PCM1: variants seen among roughly 807,000 people sequenced by gnomAD.
PCM1 encodes the protein pericentriolar material 1 protein.
PCM1 carries 157 observed loss-of-function variants against 241.9 expected under a neutral mutation model. That is an observed-to-expected ratio of 0.65 (90% confidence interval 0.57 to 0.74). The LOEUF is 0.74. Ranked by LOEUF, PCM1 falls within the 30% of genes least tolerant of loss-of-function variation. The probability of loss-of-function intolerance (pLI) is 0.00; values close to 1 mark genes in which losing one functional copy is unlikely to be tolerated. For missense variants in PCM1, 3,478 were observed against 2,360.1 expected (o/e 1.47, Z -9.81); for synonymous variants, 1,085 against 784.9 (o/e 1.38, Z -6.39).
At chr8:17,952,618 G>A (rs926065027) in intron 8 of PCM1, among the ~76,000 whole-genome samples, 1 of 152,114 alleles carries the variant, frequency 6.6e-6, no homozygotes, top group African/African-American at 2.4e-5. Flanking sequence ...TATTGTATTA[G>A]GTATTATAAG....
At position 17,980,738 on chromosome 8, in the gene PCM1, C is replaced by G. The variant is rs774435092; in HGVS notation, c.4091C>G (p.Ser1364Cys). ...QLEKIIKCNR[S>C]TEISSETGSD... is the part of the protein sequence containing the mutation. ...GAAAAAATAATAAAATGTAATAGGT[C>G]TACAGAAATATCTTCAGGTATGTTC... The change falls in exon 24 of 39, where the codon TCT becomes TGT. Residue 1364 changes from serine to cysteine, a missense_variant. By Grantham distance (112) the Ser-to-Cys change is moderately radical (BLOSUM62 -1). Transcript: ENST00000325083. 1 of 1,608,394 alleles carries G rather than the reference C, an allele frequency of 6.2e-7. No homozygotes were observed. Among genetic ancestry groups the G allele is most frequent in the African/African-American group, 1.3e-5 (1 of 74,932 alleles).
chr8:18,011,712 G>C lies in PCM1; in HGVS notation c.5396G>C (p.Gly1799Ala). 1 of 1,612,978 alleles carries C rather than the reference G, an allele frequency of 6.2e-7. No homozygotes were observed. The highest frequency in any genetic ancestry group is 8.5e-7 in the Non-Finnish European group (1 of 1,179,332). ...ETQALTNYGS[G>A]EDENEDEEME... is the part of the protein sequence containing the mutation. Reference sequence around the variant, plus strand: ...CAGGCTTTAACTAATTATGGAAGTGGAGAAGATGAAAATGAGGATGAAGAA... The same window carrying C: ...CAGGCTTTAACTAATTATGGAAGTGCAGAAGATGAAAATGAGGATGAAGAA... Residue 1799 changes from glycine (G) to alanine (A), a missense_variant, in exon 34 of 39, where the codon GGA (glycine) becomes GCA (alanine). Gly to Ala is a moderately conservative substitution (Grantham distance 60). Transcript: ENST00000325083.
In PCM1 at chr8:17,955,577, C is replaced by A. The variant is rs2067935540; in HGVS notation, c.1396C>A (p.Pro466Thr). The A allele has an allele frequency of 6.2e-7, 1 of 1,613,542 alleles. No homozygotes were observed. The highest frequency in any genetic ancestry group is 1.3e-5 in the African/African-American group (1 of 74,920). ...ATCCAATAGCCTCACATCATCTGTT[C>A]CTTATCCTACTGCTTCTCTAGTATC... ...GESNSLTSSV[P>T]YPTASLVSQN... is the part of the protein sequence containing the mutation. Residue 466 changes from proline (P) to threonine (T), a missense_variant, in exon 10 of 39, where the codon CCT becomes ACT. Physicochemically the swap from Pro to Thr is conservative, Grantham distance 38 (BLOSUM62 -1). Coordinates refer to ENST00000325083, the MANE Select transcript of PCM1 (RefSeq NM_006197.4).
chr8:18,005,783 G>A (rs1332325094), intron 29 of PCM1, among the ~76,000 whole-genome samples: 2 of 151,928 alleles, frequency 1.3e-5, no homozygotes, highest in Non-Finnish European at 2.9e-5. Flanking sequence ...GCATCTAGTG[G>A]GTAGAGGCCA....
chr8:17,959,746 C>T (rs1358586882), intron 13 of PCM1, among the ~76,000 whole-genome samples: 1 of 151,658 alleles, frequency 6.6e-6, no homozygotes, highest in Admixed American at 6.6e-5. Context: ...ATTGATATAC[C>T]GTAGCTTGTT....
chr8:17,946,290 A>C (rs1046653748), intron 6 of PCM1, among the ~76,000 whole-genome samples: 10 of 152,190 alleles, frequency 6.6e-5, no homozygotes, highest in Admixed American at 5.9e-4. Flanking sequence ...AGAGGAAAAT[A>C]ATGATGCCTT....
chr8:18,014,108 AAAACACACACAG>A, intron 35 of PCM1, 72 bp downstream of exon 35: 1 of 834,658 alleles, frequency 1.2e-6, no homozygotes. Context: ...AAAAAAAAAA[AAAACACACACAG>A]AAAACACTAA....
At chr8:17,980,318 A>G (rs980577517) in intron 23 of PCM1, 6 of 253,476 alleles carry the variant, frequency 2.4e-5, no homozygotes, top group Non-Finnish European at 4.5e-5. Flanking sequence ...ATTTGGGGTC[A>G]TGTAAGGTCT....
Position 17,952,970 on chromosome 8 carries a change from C to G in PCM1, c.1072C>G (p.Pro358Ala). 6.5e-7 allele frequency: 1 copy of G among 1,545,526 alleles called. No homozygotes were observed. Among genetic ancestry groups the G allele is most frequent in the Non-Finnish European group, 8.7e-7 (1 of 1,144,592 alleles). ...RFHNQLRDSQ[P>A]PAVPDNRRQA... Reference sequence around the variant, plus strand: ...TTTTTTGTTGTTTTTTTTTAATAAGCCTCCAGCTGTTCCAGACAATAGAAG... The same window carrying G: ...TTTTTTGTTGTTTTTTTTTAATAAGGCTCCAGCTGTTCCAGACAATAGAAG... The change falls in exon 9 of 39, where the codon CCT becomes GCT. Residue 358 changes from proline to alanine, a missense_variant and splice_region_variant. Transcript: ENST00000325083.
intron 29 of PCM1, among the ~76,000 whole-genome samples, chr8:17,997,645 T>A (rs992070925): frequency 6.6e-6 from 1 of 152,156 alleles, no homozygotes; most frequent in African/African-American, 2.4e-5. Flanking sequence ...CTTTAGTATG[T>A]CAGTTGCGTT....
intron 15 of PCM1, among the ~76,000 whole-genome samples, chr8:17,961,220 C>A (rs1320446278): frequency 1.4e-5 from 2 of 146,950 alleles, no homozygotes; most frequent in African/African-American, 2.5e-5. Context: ...AATAAGATAT[C>A]TTTGGTGATA....
chr8:18,014,694 C>A lies in PCM1; in HGVS notation c.5695C>A (p.Gln1899Lys), dbSNP rs768242652. 1.2e-6 allele frequency: 2 copies of A among 1,613,630 alleles called. No individual in the cohort carries two copies. The highest frequency in any genetic ancestry group is 1.1e-5 in the South Asian group (1 of 91,058). ...GTCACCTCCTACTGTTGATTCAACT[C>A]AACAGCCTAACCCTTTGCCGTTACG... The part of the protein sequence containing the change: ...KESPPTVDST[Q>K]QPNPLPLRLP... Residue 1899 changes from glutamine (Q) to lysine (K), a missense_variant, in exon 36 of 39, where the codon CAA (glutamine) becomes AAA (lysine). Gln to Lys is a moderately conservative substitution (Grantham distance 53, BLOSUM62 1). Coordinates refer to ENST00000325083, the MANE Select transcript of PCM1 (RefSeq NM_006197.4).
Position 17,937,267 on chromosome 8 carries a change from C to G in PCM1, c.230C>G (p.Thr77Arg). Residue 77 changes from threonine (T) to arginine (R), a missense_variant, in exon 4 of 39, where the codon ACA (threonine) becomes AGA (arginine). Coordinates refer to ENST00000325083, the MANE Select transcript of PCM1 (RefSeq NM_006197.4). ...ESSPGVGRRR[T>R]KTPHTFPHSR... ...TCACCAGGAGTTGGAAGGCGAAGAACAAAGACTCCACATACGTTCCCACAC... is the reference window on the plus strand; with the variant it reads ...TCACCAGGAGTTGGAAGGCGAAGAAGAAAGACTCCACATACGTTCCCACAC... 2.5e-6 allele frequency: 4 copies of G among 1,611,218 alleles called. No individual in the cohort carries two copies. The highest frequency in any genetic ancestry group is 3.4e-6 in the Non-Finnish European group (4 of 1,178,156).
rs200940134 is a variant in PCM1 at position 17,937,310 on chromosome 8, G to T, written c.273G>T (p.Gln91His). ...TCCCACACAGTAGATACATGAGTCAGATGTCTGTCCCAGAGCAGGCAGAAT... is the reference window on the plus strand; with the variant it reads ...TCCCACACAGTAGATACATGAGTCATATGTCTGTCCCAGAGCAGGCAGAAT... ...HTFPHSRYMS[Q>H]MSVPEQAELE... Residue 91 changes from glutamine (Q) to histidine (H), a missense_variant, in exon 4 of 39, where the codon CAG becomes CAT. Physicochemically the swap from Gln to His is conservative, Grantham distance 24. Coordinates refer to ENST00000325083, the MANE Select transcript of PCM1 (RefSeq NM_006197.4). 4 of 1,609,210 alleles carry T rather than the reference G, an allele frequency of 2.5e-6. No individual in the cohort carries two copies. Among genetic ancestry groups the T allele is most frequent in the South Asian group, 2.2e-5 (2 of 90,318 alleles).
At chr8:17,957,481 G>A (rs1414053203) in intron 12 of PCM1, 59 bp from the exon 13 acceptor site, 9 of 1,604,928 alleles carry the variant, frequency 5.6e-6, no homozygotes, top group Admixed American at 3.3e-5. Context: ...GTGGGTTTTC[G>A]TTCATGTGTG....
At chr8:17,974,857 G>GCACACACACACA (rs60355433) in intron 23 of PCM1, among the ~76,000 whole-genome samples, 131 of 133,376 alleles carry the variant, frequency 9.8e-4, no homozygotes, top group African/African-American at 3.1e-3. Context: ...CCACTTTAAG[G>GCACACACACACA]CACACACACA....
At chr8:17,931,293 ATTC>A (rs1563618869) in intron 2 of PCM1, among the ~76,000 whole-genome samples, 1 of 151,758 alleles carries the variant, frequency 6.6e-6, no homozygotes, top group East Asian at 1.9e-4. Context: ...CTCCAGATAT[ATTC>A]TTTTTTTTTT....
Position 17,956,736 on chromosome 8 carries a change from T to C in PCM1, c.1605T>C (p.Tyr535=), listed in dbSNP as rs1343245486. The change falls in exon 11 of 39, where the codon TAT becomes TAC. Residue 535 remains tyrosine, a synonymous_variant. Coordinates refer to ENST00000325083, the MANE Select transcript of PCM1 (RefSeq NM_006197.4). Reference sequence around the variant, plus strand: ...ATGAAGAAACTGAAGAGTCAGAATATGATTCTGAGCATGAAAATTCCGAGC... The same window carrying C: ...ATGAAGAAACTGAAGAGTCAGAATACGATTCTGAGCATGAAAATTCCGAGC... ...RKDEETEESE[Y]DSEHENSEPV... is the part of the protein sequence containing the mutation. The C allele has an allele frequency of 1.2e-6, 2 of 1,607,886 alleles. No individual in the cohort carries two copies. The highest frequency in any genetic ancestry group is 1.7e-5 in the Admixed American group (1 of 59,492).
chr8:17,997,804 C>G (rs538000780), intron 29 of PCM1, among the ~76,000 whole-genome samples: 1 of 151,146 alleles, frequency 6.6e-6, no homozygotes, highest in Non-Finnish European at 1.5e-5. Flanking sequence ...GGCGGGTGAT[C>G]ACTTGAGGTC....
Sources: gnomAD v4.1 joint callset for allele counts (sites outside exome capture counted in the v4.1 genomes callset) on GRCh38, gnomAD v4.1.1 for gene constraint, MANE v1.5 for transcripts, NCBI Gene and HGNC (gene_info 2026-07-23, HGNC 2026-07-21) for gene names.